Variants in RELN observed in about 807,000 individuals in gnomAD.
The protein encoded by RELN is reelin.
RELN carries 108 observed loss-of-function variants against 427.6 expected under a neutral mutation model. That is an observed-to-expected ratio of 0.25 (90% CI 0.22 to 0.30). The LOEUF is 0.30. Among genes scored for constraint, RELN ranks in the 10% least tolerant of loss-of-function variants. The pLI, the probability that RELN is intolerant of heterozygous loss-of-function variation, is 1.00. For missense variants in RELN, 3,715 were observed against 4,302.8 expected, an observed-to-expected ratio of 0.86 and a Z score of 3.82; for synonymous variants, 1,524 against 1,513.4, an observed-to-expected ratio of 1.01 and a Z score of -0.16.
intron 19 of RELN, among the ~76,000 whole-genome samples, chr7:103,634,473 C>G (rs1832535239): frequency 6.6e-6 from 1 of 152,070 alleles, no homozygotes; most frequent in Non-Finnish European, 1.5e-5. Flanking sequence ...AAAATTGTAC[C>G]ACTAATGGTG....
chr7:103,645,797 A>G (rs1832785444), intron 16 of RELN, among the ~76,000 whole-genome samples: 2 of 151,994 alleles, frequency 1.3e-5, no homozygotes, highest in African/African-American at 2.4e-5. Context: ...ACAGACATTT[A>G]CAGAATATTC....
At chr7:103,610,843 C>T in intron 21 of RELN, 36 bp from the exon 22 acceptor site, 1 of 1,224,136 alleles carries the variant, frequency 8.2e-7, no homozygotes, top group Non-Finnish European at 1.2e-6. Context: ...AACCCAGCTT[C>T]TGTTTTCCTC....
chr7:103,933,828 T>C (rs1795917375), intron 1 of RELN, among the ~76,000 whole-genome samples: 3 of 152,112 alleles, frequency 2.0e-5, no homozygotes, highest in East Asian at 3.9e-4. Context: ...CTCATGCAGA[T>C]TGATTATTCC....
chr7:103,947,827 C>T (rs951511506), intron 1 of RELN, among the ~76,000 whole-genome samples: 2 of 152,144 alleles, frequency 1.3e-5, no homozygotes, highest in African/African-American at 4.8e-5. Context: ...AATATTACCC[C>T]TTACAATGTC....
intron 1 of RELN, among the ~76,000 whole-genome samples, chr7:103,987,017 G>A (rs1026270973): frequency 1.1e-4 from 14 of 131,292 alleles, no homozygotes; most frequent in African/African-American, 3.7e-4. Context: ...AAGGAAAAGA[G>A]ACATACATAA....
intron 8 of RELN, among the ~76,000 whole-genome samples, chr7:103,711,471 C>T (rs150251946): frequency 8.8e-4 from 134 of 152,128 alleles, no homozygotes; most frequent in Non-Finnish European, 1.6e-3. Flanking sequence ...TTGCTTAGCA[C>T]GGCACAATCA....
Position 103,989,571 on chromosome 7 carries a change from G to T in RELN, c.-215C>A. ...GTTACTTTGGGCCGCGGGAGCGCGGGACCGGGGCTGCGGGCGCCGAGAGCG... is the reference window on the plus strand; with the variant it reads ...GTTACTTTGGGCCGCGGGAGCGCGGTACCGGGGCTGCGGGCGCCGAGAGCG... On this transcript the variant is annotated 5_prime_UTR_variant, in exon 1 of 65. Coordinates refer to ENST00000428762, the MANE Select transcript of RELN (RefSeq NM_005045.4). The surrounding 1 kb of genome is among the most constrained non-coding windows in gnomAD (Gnocchi z 4.9). 1 of 419,938 alleles carries T rather than the reference G, an allele frequency of 2.4e-6. No individual in the cohort carries two copies. The highest frequency in any genetic ancestry group is 4.0e-6 in the Non-Finnish European group (1 of 248,998). The allele number at this position is 419,938 out of a possible 1,614,324, so 26.0% of individuals were successfully genotyped here. A position where few individuals can be genotyped will look rare whatever the true frequency, so the allele number is the denominator to read the frequency against.
At chr7:103,761,804 C>T (rs1313616053) in intron 4 of RELN, among the ~76,000 whole-genome samples, 1 of 152,110 alleles carries the variant, frequency 6.6e-6, no homozygotes, top group Non-Finnish European at 1.5e-5. Context: ...TTTTAAAAAT[C>T]CTAGACCTTT....
intron 1 of RELN, among the ~76,000 whole-genome samples, chr7:103,979,300 A>G (rs1428911664): frequency 2.0e-5 from 3 of 152,230 alleles, no homozygotes; most frequent in Non-Finnish European, 4.4e-5. Context: ...CTACCGGAGA[A>G]TGAGACAAGG....
intron 2 of RELN, among the ~76,000 whole-genome samples, chr7:103,899,428 C>T (rs1388250528): frequency 1.3e-5 from 2 of 152,106 alleles, no homozygotes; most frequent in Admixed American, 6.5e-5. Flanking sequence ...AGGACTCCTC[C>T]CTAACTCATT....
chr7:103,753,920 G>C (rs1286520132), intron 4 of RELN, among the ~76,000 whole-genome samples: 1 of 152,144 alleles, frequency 6.6e-6, no homozygotes, highest in African/African-American at 2.4e-5. Flanking sequence ...TTTTGAAACT[G>C]ATATGTTTTT....
intron 2 of RELN, among the ~76,000 whole-genome samples, chr7:103,862,413 A>T (rs4083160): frequency 0.18 from 7,064 of 38,348 alleles, 174 homozygotes; most frequent in East Asian, 0.44. Flanking sequence ...CTTTTGTTCT[A>T]TCTATCTATC....
At chr7:103,592,948 G>A (rs1020836721) in intron 27 of RELN, among the ~76,000 whole-genome samples, 1 of 152,088 alleles carries the variant, frequency 6.6e-6, no homozygotes, top group African/African-American at 2.4e-5. Context: ...TTACAGACCT[G>A]TGGAAATTGT....
chr7:103,883,785 A>G (rs932349407), intron 2 of RELN, among the ~76,000 whole-genome samples: 1 of 152,256 alleles, frequency 6.6e-6, no homozygotes, highest in African/African-American at 2.4e-5. Context: ...ATAAGAGAGG[A>G]CACAAACAAA....
chr7:103,854,984 C>T lies in RELN; in HGVS notation c.338-21312G>A, dbSNP rs1793909935. On this transcript the variant is annotated intron_variant, in intron 2 of 64. Transcript: ENST00000428762. The stretch of plus-strand genomic sequence containing the variant: ...ACCAAAGAGATGGCAAATGCAACTG[C>T]TTAAGAGGGAGAATTAATGTATAGC... Among the ~76,000 whole-genome samples the T allele has an allele frequency of 6.6e-5, 10 of 152,082 alleles. 1 individual carries two copies. Among genetic ancestry groups the T allele is most frequent in the Admixed American group, 5.9e-4 (9 of 15,258 alleles).
intron 5 of RELN, among the ~76,000 whole-genome samples, chr7:103,752,613 C>G (rs1237816984): frequency 6.6e-6 from 1 of 152,044 alleles, no homozygotes; most frequent in Non-Finnish European, 1.5e-5. Flanking sequence ...GGGGGTCTTG[C>G]TCTGCTGCCC....
chr7:103,562,665 G>A (rs963532583), intron 34 of RELN, among the ~76,000 whole-genome samples: 55 of 152,212 alleles, frequency 3.6e-4, no homozygotes, highest in African/African-American at 9.2e-4. Context: ...GTGGAACACA[G>A]TCTACTTGAA....
At chr7:103,684,141 ATTTC>A (rs1272103277) in intron 10 of RELN, among the ~76,000 whole-genome samples, 1 of 152,128 alleles carries the variant, frequency 6.6e-6, no homozygotes, top group African/African-American at 2.4e-5. Context: ...CTGAGTCTCC[ATTTC>A]TTTCTAAGGA....
At chr7:103,739,520 C>A (rs912730144) in intron 6 of RELN, among the ~76,000 whole-genome samples, 2 of 152,130 alleles carry the variant, frequency 1.3e-5, no homozygotes, top group Non-Finnish European at 2.9e-5. Context: ...TCTCCCTCAC[C>A]CTCTTGGGTT....
Sources: allele counts gnomAD v4.1 joint callset (sites outside exome capture counted in the v4.1 genomes callset), GRCh38; gene constraint gnomAD v4.1.1; non-coding constraint Gnocchi (gnomAD v3.1); transcripts MANE v1.5; gene names NCBI Gene and HGNC (gene_info 2026-07-23, HGNC 2026-07-21).